BTF3: variants seen among roughly 807,000 people sequenced by gnomAD.
BTF3 encodes the protein basic transcription factor 3.
Under a neutral mutation model 23.9 loss-of-function variants are expected in BTF3, and 12 were observed. The observed-to-expected ratio is 0.50, with a 90% confidence interval of 0.32 to 0.81. The LOEUF is 0.81. BTF3 is among the 40% of genes least tolerant of loss of function. The pLI is 0.03. For missense variants in BTF3, 215 were observed against 255.9 expected (o/e 0.84, Z 1.09); for synonymous variants, 96 against 94.8 (o/e 1.01, Z -0.07).
intron 5 of BTF3, 26 bp downstream of exon 5, chr5:73,504,429 C>G: frequency 6.3e-7 from 1 of 1,578,552 alleles, no homozygotes. Flanking sequence ...TGTGGTTAAC[C>G]TAGAGAATCT....
intron 1 of BTF3, 110 bp downstream of exon 1, chr5:73,498,909 C>A: frequency 1.4e-6 from 2 of 1,430,930 alleles, no homozygotes; most frequent in Non-Finnish European, 1.8e-6. Context: ...TAGAGCCTTT[C>A]ATCCGGGCCT....
intron 2 of BTF3, among the ~76,000 whole-genome samples, chr5:73,502,172 A>C (rs1262710931): frequency 6.6e-6 from 1 of 151,994 alleles, no homozygotes; most frequent in Non-Finnish European, 1.5e-5. Flanking sequence ...AAAAAAAAAA[A>C]AAAAAAACAG....
intron 1 of BTF3, 51 bp from the exon 2 acceptor site, chr5:73,499,083 A>G (rs368111625): frequency 1.3e-6 from 2 of 1,543,488 alleles, no homozygotes; most frequent in African/African-American, 2.8e-5. Context: ...CGAGCATGGA[A>G]TGCTAGAGTG....
intron 1 of BTF3, 47 bp from the exon 2 acceptor site, chr5:73,499,087 T>C (rs773267383): frequency 1.3e-6 from 2 of 1,557,364 alleles, no homozygotes; most frequent in Non-Finnish European, 1.7e-6. Flanking sequence ...CATGGAATGC[T>C]AGAGTGAGCT....
chr5:73,501,257 G>A (rs1184807039), intron 2 of BTF3, among the ~76,000 whole-genome samples: 1 of 152,112 alleles, frequency 6.6e-6, no homozygotes, highest in East Asian at 1.9e-4. Context: ...ATAGGAATAG[G>A]GATGGAGGTT....
At chr5:73,499,554 A>C (rs1746383995) in intron 2 of BTF3, 1 of 371,962 alleles carries the variant, frequency 2.7e-6, no homozygotes, top group African/African-American at 2.1e-5. Flanking sequence ...TTCTAAAGTC[A>C]GTGCTTGTTT....
chr5:73,500,253 A>G (rs1402620427), intron 2 of BTF3, among the ~76,000 whole-genome samples: 1 of 152,152 alleles, frequency 6.6e-6, no homozygotes, highest in African/African-American at 2.4e-5. Context: ...TCTTTAATCA[A>G]TTGTTATCAG....
intron 2 of BTF3, chr5:73,499,614 T>C (rs1746385369): frequency 3.3e-6 from 1 of 303,324 alleles, no homozygotes; most frequent in Non-Finnish European, 6.4e-6. Flanking sequence ...GAACTAAATA[T>C]TCTTTAGGGT....
At chr5:73,502,175 A>AAAAACAG (rs1454444675) in intron 2 of BTF3, among the ~76,000 whole-genome samples, 2 of 151,988 alleles carry the variant, frequency 1.3e-5, no homozygotes, top group Non-Finnish European at 2.9e-5. Context: ...AAAAAAAAAA[A>AAAAACAG]AAAACAGAAG....
At chr5:73,502,179 A>AC (rs917436954) in intron 2 of BTF3, among the ~76,000 whole-genome samples, 1 of 148,208 alleles carries the variant, frequency 6.7e-6, no homozygotes, top group African/African-American at 2.5e-5. Flanking sequence ...AAAAAAAAAA[A>AC]CAGAAGAGGT....
intron 4 of BTF3, among the ~76,000 whole-genome samples, chr5:73,503,963 T>G (rs537382054): frequency 6.6e-6 from 1 of 152,310 alleles, no homozygotes; most frequent in East Asian, 1.9e-4. Flanking sequence ...ATCACCCTTA[T>G]GCCACACACA....
intron 2 of BTF3, chr5:73,499,723 C>T (rs1041179928): frequency 2.8e-5 from 5 of 180,304 alleles, no homozygotes; most frequent in African/African-American, 1.2e-4. Context: ...AGGTATCTTT[C>T]CTGTTCTGAC....
rs764242245 is a variant in BTF3, at chr5:73,500,929, CT to C, written c.202-1544del. Among the ~76,000 whole-genome samples, 837 of 137,388 alleles carry C rather than the reference CT, an allele frequency of 6.1e-3. 1 individual carries two copies. The highest frequency in any genetic ancestry group is 7.0e-3 in the Non-Finnish European group (438 of 62,732). The allele number at this position is 137,388 out of a possible 152,430, so 90.1% of individuals were successfully genotyped here. ...AGTTTGGAGAGGTTAGTAACCAGTA[CT>C]TTTTTTTTTTTTTTGTAGCCATAGA... is the stretch of plus-strand genomic sequence containing the variant. On this transcript the variant is annotated intron_variant, in intron 2 of 5. Transcript: ENST00000380591.
chr5:73,503,254 T>G, intron 4 of BTF3, 137 bp downstream of exon 4: 1 of 885,740 alleles, frequency 1.1e-6, no homozygotes. Flanking sequence ...GTAACTGATT[T>G]TAAGCAACTG....
chr5:73,499,071 A>G, intron 1 of BTF3, 63 bp from the exon 2 acceptor site: 1 of 1,488,274 alleles, frequency 6.7e-7, no homozygotes, highest in East Asian at 2.3e-5. Context: ...CTTGGGAAAT[A>G]ACGAGCATGG....
At chr5:73,503,443 G>C (rs1283582662) in intron 4 of BTF3, among the ~76,000 whole-genome samples, 2 of 152,108 alleles carry the variant, frequency 1.3e-5, no homozygotes, top group Non-Finnish European at 2.9e-5. Context: ...AAAAAAATTA[G>C]TGTAAATTAT....
Position 73,498,946 on chromosome 5 carries a change from T to A in BTF3, c.132+147T>A. 1 of 1,288,568 alleles carries A rather than the reference T, an allele frequency of 7.8e-7. No individual in the cohort carries two copies. Among genetic ancestry groups the A allele is most frequent in the Non-Finnish European group, 1.0e-6 (1 of 967,860 alleles). 79.8% of individuals were successfully genotyped at this position (1,288,568 alleles called of 1,614,324 possible). On this transcript the variant is annotated intron_variant, in intron 1 of 5. Coordinates refer to ENST00000380591, the MANE Select transcript of BTF3 (RefSeq NM_001037637.2). ...CCAAGAGCGGGGAGCTGTGGGGGAG[T>A]GGTGGGGAGGCGGGTGCTCTTTGGG...
At chr5:73,504,317 A>G in intron 4 of BTF3, 30 bp from the exon 5 acceptor site, 1 of 1,278,582 alleles carries the variant, frequency 7.8e-7, no homozygotes, top group African/African-American at 1.7e-5. Flanking sequence ...AAAAACCTAG[A>G]CAAATAATGT....
chr5:73,502,808 C>G (rs1746470546), intron 3 of BTF3, 108 bp from the exon 4 acceptor site: 4 of 1,171,402 alleles, frequency 3.4e-6, no homozygotes, highest in Non-Finnish European at 4.8e-6. Context: ...CAAAATTTCA[C>G]CTGTGCTTCA....
Sources: gnomAD v4.1 joint callset for allele counts (sites outside exome capture counted in the v4.1 genomes callset) on GRCh38, gnomAD v4.1.1 for gene constraint, MANE v1.5 for transcripts, NCBI Gene and HGNC (gene_info 2026-07-23, HGNC 2026-07-21) for gene names.